RBM39: variants seen among roughly 807,000 people sequenced by gnomAD.
RBM39 encodes RNA binding motif protein 39.
A neutral mutation model predicts 79.6 loss-of-function variants in RBM39; 12 were observed. The observed-to-expected ratio is 0.15, with a 90% CI of 0.10 to 0.24. RBM39 has a LOEUF of 0.24. Ranked by LOEUF, RBM39 falls within the 10% of genes least tolerant of loss-of-function variation. RBM39 has a pLI of 1.00. For synonymous variants in RBM39, 185 were observed against 208.4 expected (o/e 0.89, Z 0.97); for missense variants, 243 against 653.4 (o/e 0.37, Z 6.85).
At chr20:35,725,794 G>T (rs1240028867) in intron 6 of RBM39, among the ~76,000 whole-genome samples, 1 of 151,568 alleles carries the variant, frequency 6.6e-6, no homozygotes, top group South Asian at 2.1e-4. Context: ...CTCCTGAGTA[G>T]CTGGGACTAC....
In RBM39 at chr20:35,718,659, C is replaced by G. The variant is rs572037958; in HGVS notation, c.826-1854G>C. 1.2e-3 allele frequency among the ~76,000 whole-genome samples: 182 copies of G among 151,876 alleles called. 2 individuals carry two copies. Among genetic ancestry groups the G allele is most frequent in the African/African-American group, 4.2e-3 (175 of 41,410 alleles). On this transcript the variant is annotated intron_variant, in intron 9 of 16. Transcript: ENST00000253363. ...AAAAACCCTGTCTCTACTAAAAATA[C>G]AAAATTAGCAGGGTGTGGTGCCGCA... is the stretch of plus-strand genomic sequence containing the variant.
intron 6 of RBM39, among the ~76,000 whole-genome samples, chr20:35,726,822 C>T (rs1237403439): frequency 6.6e-6 from 1 of 151,952 alleles, no homozygotes; most frequent in African/African-American, 2.4e-5. Flanking sequence ...TAAGATTTGT[C>T]ACAAAAGCTT....
intron 12 of RBM39, among the ~76,000 whole-genome samples, chr20:35,712,225 T>C (rs1179955295): frequency 1.3e-5 from 2 of 151,792 alleles, no homozygotes; most frequent in Non-Finnish European, 2.9e-5. Context: ...GCCCAGCACT[T>C]TGAGAGGCCA....
chr20:35,736,257 T>A (rs2039894294), intron 3 of RBM39, among the ~76,000 whole-genome samples: 1 of 152,186 alleles, frequency 6.6e-6, no homozygotes, highest in Non-Finnish European at 1.5e-5. Context: ...ATACCTCTGG[T>A]TGGTTGCATC....
Position 35,703,602 on chromosome 20 carries a change from TCTC to T in RBM39, c.*876_*878del, listed in dbSNP as rs1293723645. On this transcript the variant is annotated 3_prime_UTR_variant, in exon 17 of 17. Coordinates refer to ENST00000253363, the MANE Select transcript of RBM39 (RefSeq NM_184234.3). ...CTTTAAAACATTTGAAAAATGAAGA[TCTC>T]CTGTGGCCTTTTTAAGAGACTTTTA... The T allele has an allele frequency of 6.6e-6, 1 of 152,624 alleles. No individual in the cohort carries two copies. Among genetic ancestry groups the T allele is most frequent in the African/African-American group, 2.4e-5 (1 of 41,444 alleles). The allele number at this position is 152,624 out of a possible 1,614,324, so 9.5% of individuals were successfully genotyped here.
chr20:35,721,808 A>G lies in RBM39; in HGVS notation c.757T>C (p.Tyr253His), dbSNP rs2037971637. 6.2e-7 allele frequency: 1 copy of G among 1,613,960 alleles called. No individual in the cohort carries two copies. The highest frequency in any genetic ancestry group is 1.7e-5 in the Admixed American group (1 of 59,998). ...ATGTTGAAGTGTAATGAGCCCACAT[A>G]AAGCCTCATAGGTCCAGCACTTCCC... ...QKGSAGPMRL[Y>H]VGSLHFNITE... The change falls in exon 9 of 17, where the codon TAT (tyrosine) becomes CAT (histidine). Residue 253 changes from tyrosine to histidine, a missense_variant. Physicochemically the swap from Tyr to His is moderately conservative, Grantham distance 83. Transcript: ENST00000253363.
At chr20:35,717,960 A>G (rs1367280049) in intron 9 of RBM39, among the ~76,000 whole-genome samples, 1 of 151,790 alleles carries the variant, frequency 6.6e-6, no homozygotes, top group Non-Finnish European at 1.5e-5. Context: ...CCGGGTTCAC[A>G]CCATTCTCCT....
rs2035448682 is a variant in RBM39, at chr20:35,704,053, A to C, written c.*428T>G. ...AGCCCTTTAGCTGTCTTGTATTTCC[A>C]TACACTAAATGTGTATTTCAGAAAC... On this transcript the variant is annotated 3_prime_UTR_variant, in exon 17 of 17. Coordinates refer to ENST00000253363, the MANE Select transcript of RBM39 (RefSeq NM_184234.3). 1 of 155,356 alleles carries C rather than the reference A, an allele frequency of 6.4e-6. No homozygotes were observed. Among genetic ancestry groups the C allele is most frequent in the African/African-American group, 2.4e-5 (1 of 41,464 alleles). The allele number at this position is 155,356 out of a possible 1,614,324, so 9.6% of individuals were successfully genotyped here.
At position 35,729,329 on chromosome 20, in the gene RBM39, T is replaced by C; in HGVS notation, c.399A>G (p.Lys133=). ...TAAACTACCTCACAGGGCTCTTGTC[T>C]TTTCTGAATGGACTTTTGCTTCGGG... ...RRSRSKSPFR[K]DKSPVREPID... The change falls in exon 6 of 17, where the codon AAA becomes AAG. Residue 133 remains lysine (K), a synonymous_variant. Coordinates refer to ENST00000253363, the MANE Select transcript of RBM39 (RefSeq NM_184234.3). The C allele has an allele frequency of 1.9e-6, 3 of 1,600,610 alleles. No homozygotes were observed. Among genetic ancestry groups the C allele is most frequent in the Non-Finnish European group, 2.5e-6 (3 of 1,177,044 alleles).
chr20:35,728,593 A>G (rs1345754867), intron 6 of RBM39, among the ~76,000 whole-genome samples: 2 of 152,128 alleles, frequency 1.3e-5, no homozygotes, highest in Non-Finnish European at 2.9e-5. Flanking sequence ...CCTGACCAAC[A>G]TGGTGAAACC....
chr20:35,734,911 A>G (rs752729219), intron 3 of RBM39: 138 of 1,572,326 alleles, frequency 8.8e-5, no homozygotes, highest in African/African-American at 2.3e-4. Context: ...GGGACTTTCC[A>G]AAGTCTTTAA....
At chr20:35,735,365 CTG>C (rs1374300187) in intron 3 of RBM39, among the ~76,000 whole-genome samples, 2 of 152,192 alleles carry the variant, frequency 1.3e-5, no homozygotes, top group Non-Finnish European at 2.9e-5. Flanking sequence ...GACAACCAGT[CTG>C]TGTCACAATA....
At chr20:35,740,174 T>G (rs1272667029) in intron 2 of RBM39, 1 of 168,442 alleles carries the variant, frequency 5.9e-6, no homozygotes, top group Non-Finnish European at 1.3e-5. Context: ...GTATTAAGCT[T>G]GTATTGACTC....
intron 14 of RBM39, 93 bp downstream of exon 14, chr20:35,707,027 T>TAAAA (rs58614202): frequency 9.9e-4 from 150 of 151,704 alleles, no homozygotes; most frequent in Middle Eastern, 3.0e-3. Flanking sequence ...AACTCCATCT[T>TAAAA]AAAAAAAAAA....
intron 2 of RBM39, chr20:35,740,035 T>C (rs2040360702): frequency 6.3e-6 from 1 of 158,240 alleles, no homozygotes; most frequent in Admixed American, 6.2e-5. Context: ...TCAAAGACTA[T>C]ATTAGCCAAT....
intron 2 of RBM39, 148 bp from the exon 3 acceptor site, chr20:35,739,165 A>T: frequency 1.4e-6 from 1 of 724,906 alleles, no homozygotes; most frequent in Non-Finnish European, 2.4e-6. Context: ...CTATAAAAAA[A>T]TTTAGATGGG....
intron 8 of RBM39, among the ~76,000 whole-genome samples, chr20:35,722,625 G>T (rs921267176): frequency 6.6e-6 from 1 of 151,606 alleles, no homozygotes; most frequent in South Asian, 2.1e-4. Flanking sequence ...CAGAGCACAT[G>T]CCAGTCACAT....
chr20:35,729,222 T>C lies in RBM39; in HGVS notation c.416+90A>G, dbSNP rs1244585730. ...AAGAAAGCAAAAGCAAGATTTAATA[T>C]GGTCCAAATTACTAAATATCATCAA... On this transcript the variant is annotated intron_variant, in intron 6 of 16. Coordinates refer to ENST00000253363, the MANE Select transcript of RBM39 (RefSeq NM_184234.3). 4 of 1,157,652 alleles carry C rather than the reference T, an allele frequency of 3.5e-6. No individual in the cohort carries two copies. In the African/African-American group the frequency reaches 4.7e-5, roughly 13 times the overall value. 71.7% of individuals were successfully genotyped at this position (1,157,652 alleles called of 1,614,324 possible). A position where few individuals can be genotyped will look rare whatever the true frequency, so the allele number is the denominator to read the frequency against.
intron 15 of RBM39, 190 bp downstream of exon 15, chr20:35,705,035 T>C: frequency 1.7e-6 from 1 of 595,702 alleles, no homozygotes; most frequent in Non-Finnish European, 2.9e-6. Flanking sequence ...TCTCATACCC[T>C]GATCAAATTG....
Sources: allele counts gnomAD v4.1 joint callset (sites outside exome capture counted in the v4.1 genomes callset), GRCh38; gene constraint gnomAD v4.1.1; transcripts MANE v1.5; gene names NCBI Gene and HGNC (gene_info 2026-07-23, HGNC 2026-07-21).